DCAF5: variants seen among roughly 807,000 people sequenced by gnomAD.
DCAF5 encodes the protein DDB1- and CUL4-associated factor 5.
DCAF5 carries 9 observed loss-of-function variants against 80.7 expected under a neutral mutation model. The observed-to-expected ratio is 0.11, with a 90% CI of 0.07 to 0.19. DCAF5 has a LOEUF of 0.19. Among genes scored for constraint, DCAF5 ranks in the 10% least tolerant of loss-of-function variants. DCAF5 has a pLI of 1.00. For missense variants in DCAF5, 842 were observed against 1,205.7 expected (o/e 0.70, Z 4.47); for synonymous variants, 433 against 461.9 (o/e 0.94, Z 0.80).
At position 69,105,918 on chromosome 14, in the gene DCAF5, T is replaced by C. The variant is rs1297564567; in HGVS notation, c.665+10448A>G. 1.6e-3 allele frequency among the ~76,000 whole-genome samples: 68 copies of C among 43,372 alleles called. 1 individual carries two copies. Among genetic ancestry groups the C allele is most frequent in the African/African-American group, 7.9e-3 (62 of 7,878 alleles). 28.5% of individuals were successfully genotyped at this position (43,372 alleles called of 152,430 possible). ...CAATTTTCCCTAATAAACTGTCATA[T>C]ATATATATATATATATATATATATA... On this transcript the variant is annotated intron_variant, in intron 5 of 8. Coordinates refer to ENST00000341516, the MANE Select transcript of DCAF5 (RefSeq NM_003861.3).
At position 69,054,977 on chromosome 14, in the gene DCAF5, T is replaced by C. The variant is rs1349410466; in HGVS notation, c.1709A>G (p.Asp570Gly). 1 of 1,614,114 alleles carries C rather than the reference T, an allele frequency of 6.2e-7. No homozygotes were observed. Among genetic ancestry groups the C allele is most frequent in the East Asian group, 2.2e-5 (1 of 44,894 alleles). The stretch of plus-strand genomic sequence containing the variant: ...TCGGCGTTCATTCAGCTCCTCCTCA[T>C]CCTCAGAGCTGCTAGAGCTGCTGGA... ...SSSSSSSSSE[D>G]EEELNERRAS... The change falls in exon 9 of 9, where the codon GAT becomes GGT. Residue 570 changes from aspartate to glycine, a missense_variant. Transcript: ENST00000341516.
rs2038632123 is a variant in DCAF5 at position 69,070,244 on chromosome 14, AG to A, written c.946+5100del. On this transcript the variant is annotated intron_variant, in intron 7 of 8. Transcript: ENST00000341516. The stretch of plus-strand genomic sequence containing the variant: ...AAGAATTCAGGGAAAGAGAAGGGAA[AG>A]GCAATATAAATATTTTCAAGAGACA... Among the ~76,000 whole-genome samples, 4 of 152,338 alleles carry A rather than the reference AG, an allele frequency of 2.6e-5. No individual in the cohort carries two copies. The South Asian group carries it at 8.3e-4, about 32-fold the overall frequency.
intron 6 of DCAF5, chr14:69,083,831 A>G: frequency 1.4e-6 from 1 of 730,778 alleles, no homozygotes. Context: ...ACAGAAAATA[A>G]TGTTGAGAAG....
chr14:69,141,458 CTCG>C (rs777852730), intron 1 of DCAF5, among the ~76,000 whole-genome samples: 3 of 152,108 alleles, frequency 2.0e-5, no homozygotes, highest in Non-Finnish European at 4.4e-5. Flanking sequence ...CACCCATTAA[CTCG>C]TCATTTACAT....
chr14:69,094,051 C>T (rs1420315704), intron 5 of DCAF5, among the ~76,000 whole-genome samples: 3 of 152,112 alleles, frequency 2.0e-5, no homozygotes, highest in Non-Finnish European at 4.4e-5. Context: ...CAATGAGAGG[C>T]TTTCAATCCA....
intron 5 of DCAF5, 35 bp downstream of exon 5, chr14:69,116,331 G>A (rs755138275): frequency 6.3e-7 from 1 of 1,590,014 alleles, no homozygotes; most frequent in Admixed American, 1.7e-5. Context: ...TGAGGCAGAG[G>A]AAAGTTTTAA....
At chr14:69,114,740 A>G (rs2040487614) in intron 5 of DCAF5, among the ~76,000 whole-genome samples, 1 of 152,200 alleles carries the variant, frequency 6.6e-6, no homozygotes, top group Non-Finnish European at 1.5e-5. Context: ...TAAAAATACA[A>G]TAATCATCAT....
rs557313131 is a variant in DCAF5, at chr14:69,110,529, C to G, written c.665+5837G>C. Among the ~76,000 whole-genome samples, 22 of 152,102 alleles carry G rather than the reference C, an allele frequency of 1.4e-4. No individual in the cohort carries two copies. The East Asian group carries it at 4.1e-3, about 28-fold the overall frequency. On this transcript the variant is annotated intron_variant, in intron 5 of 8. Transcript: ENST00000341516. ...GTGATCCAACTGCCTCGGCCTCCCA[C>G]AGTGCTGGGATTACAGGCGTGAGCC...
intron 1 of DCAF5, among the ~76,000 whole-genome samples, chr14:69,132,014 A>G (rs2041053750): frequency 1.3e-5 from 2 of 152,166 alleles, no homozygotes. Flanking sequence ...TTGTATGTAT[A>G]GACTACATTT....
chr14:69,090,964 G>T, intron 6 of DCAF5: 3 of 624,738 alleles, frequency 4.8e-6, no homozygotes, highest in South Asian at 1.8e-5. Flanking sequence ...GTCTTTCCTC[G>T]GCTTGGTGAC....
chr14:69,070,775 C>T (rs537396121), intron 7 of DCAF5, among the ~76,000 whole-genome samples: 86 of 151,560 alleles, frequency 5.7e-4, no homozygotes, highest in Non-Finnish European at 1.1e-3. Context: ...ATTCCTTCCT[C>T]TAATTTTTAT....
intron 1 of DCAF5, among the ~76,000 whole-genome samples, chr14:69,141,138 TTAAAAAAAAAAAA>T (rs1279529134): frequency 1.2e-5 from 1 of 81,780 alleles, no homozygotes; most frequent in African/African-American, 6.0e-5. Context: ...CATCTCAAAT[TTAAAAAAAAAAAA>T]AAAAAAAAAA....
Position 69,055,349 on chromosome 14 carries a change from A to G in DCAF5, c.1337T>C (p.Leu446Pro). 1 of 1,614,166 alleles carries G rather than the reference A, an allele frequency of 6.2e-7. No individual in the cohort carries two copies. Among genetic ancestry groups the G allele is most frequent in the South Asian group, 1.1e-5 (1 of 91,078 alleles). ...TGAGCGCTCGCTGACCCCAGCGTGC[A>G]GTTGGAGGATAGTACTCTCACTGAG... ...SDLSESTILQLHAGVSERSGY... is the reference protein window; with the variant it reads ...SDLSESTILQPHAGVSERSGY... The change falls in exon 9 of 9, where the codon CTG becomes CCG. Residue 446 changes from leucine (L) to proline (P), a missense_variant. Physicochemically the swap from Leu to Pro is moderately conservative, Grantham distance 98 (BLOSUM62 -3). Transcript: ENST00000341516. This position sits in a 1 kb window ranked among gnomAD's most constrained non-coding sequence, Gnocchi z 5.6.
In DCAF5 at chr14:69,055,462, C is replaced by T. The variant is rs143538693; in HGVS notation, c.1224G>A (p.Ser408=). The change falls in exon 9 of 9, where the codon TCG becomes TCA. Residue 408 remains serine, a synonymous_variant. Coordinates refer to ENST00000341516, the MANE Select transcript of DCAF5 (RefSeq NM_003861.3). The surrounding 1 kb of genome is among the most constrained non-coding windows in gnomAD (Gnocchi z 5.6). ...CCATCATCCGGGGGTCTTCCTGGAC[C>T]GACTGGTTGGCGTAGTCATGCGACA... ...SGLSHDYANQ[S]VQEDPRMMAF... 2.0e-5 allele frequency: 33 copies of T among 1,614,004 alleles called. No individual in the cohort carries two copies. Among genetic ancestry groups the T allele is most frequent in the Non-Finnish European group, 2.6e-5 (31 of 1,180,038 alleles).
At chr14:69,082,625 T>C (rs1236743259) in intron 6 of DCAF5, among the ~76,000 whole-genome samples, 1 of 152,220 alleles carries the variant, frequency 6.6e-6, no homozygotes, top group Non-Finnish European at 1.5e-5. Flanking sequence ...CTGAGCAAGA[T>C]GAGGGGCCAT....
chr14:69,098,893 C>CAAAAAAAAAAAAAAA (rs57089112), intron 5 of DCAF5, among the ~76,000 whole-genome samples: 33 of 59,582 alleles, frequency 5.5e-4, no homozygotes, highest in Non-Finnish European at 8.0e-4. Context: ...ACTCTGTCTC[C>CAAAAAAAAAAAAAAA]AAAAAAAAAA....
rs2037883742 is a variant in DCAF5 at position 69,054,660 on chromosome 14, T to C, written c.2026A>G (p.Asn676Asp). The change falls in exon 9 of 9, where the codon AAT (asparagine) becomes GAT (aspartate). Residue 676 changes from asparagine (N) to aspartate (D), a missense_variant. By Grantham distance (23) the Asn-to-Asp change is conservative (BLOSUM62 1). This residue lies in a region of DCAF5 where 607 missense variants were observed against 656.6 expected (regional missense o/e 0.92). Coordinates refer to ENST00000341516, the MANE Select transcript of DCAF5 (RefSeq NM_003861.3). Reference protein sequence around the residue: ...WLRYSYISYSNNKDGETSLVT... With the variant: ...WLRYSYISYSDNKDGETSLVT... ...AAGGAGGTCTCTCCATCTTTGTTATTTGAGTAGGAGATATAAGAGTAGCGG... is the reference window on the plus strand; with the variant it reads ...AAGGAGGTCTCTCCATCTTTGTTATCTGAGTAGGAGATATAAGAGTAGCGG... The C allele has an allele frequency of 6.2e-7, 1 of 1,614,164 alleles. No individual in the cohort carries two copies. Among genetic ancestry groups the C allele is most frequent in the Non-Finnish European group, 8.5e-7 (1 of 1,180,026 alleles).
intron 8 of DCAF5, among the ~76,000 whole-genome samples, chr14:69,057,909 C>T (rs980375031): frequency 6.6e-6 from 1 of 152,150 alleles, no homozygotes; most frequent in African/African-American, 2.4e-5. Flanking sequence ...TTTCCTGTGG[C>T]CCTGAGCAAA....
In DCAF5 at chr14:69,054,522, C is replaced by T; in HGVS notation, c.2164G>A (p.Asp722Asn). The T allele has an allele frequency of 1.9e-6, 3 of 1,614,126 alleles. No homozygotes were observed. Among genetic ancestry groups the T allele is most frequent in the Non-Finnish European group, 2.5e-6 (3 of 1,180,008 alleles). The part of the protein sequence containing the change: ...LNIAMAQRNQ[D>N]LPPEGCSKDT... ...TTGCTGCAGCCTTCAGGTGGCAGGTCCTGGTTCCTCTGGGCCATTGCTATG... is the reference window on the plus strand; with the variant it reads ...TTGCTGCAGCCTTCAGGTGGCAGGTTCTGGTTCCTCTGGGCCATTGCTATG... Residue 722 changes from aspartate to asparagine, a missense_variant, in exon 9 of 9, where the codon GAC becomes AAC. By Grantham distance (23) the Asp-to-Asn change is conservative. This residue lies in a region of DCAF5 where 607 missense variants were observed against 656.6 expected (regional missense o/e 0.92). Transcript: ENST00000341516.
Sources: gnomAD v4.1 joint callset for allele counts (sites outside exome capture counted in the v4.1 genomes callset) on GRCh38, gnomAD v4.1.1 for gene constraint, gnomAD v4.1.1 regional missense constraint, Gnocchi (gnomAD v3.1) non-coding constraint, MANE v1.5 for transcripts, NCBI Gene and HGNC (gene_info 2026-07-23, HGNC 2026-07-21) for gene names.